LRRTM4: variants seen among roughly 807,000 people sequenced by gnomAD.
LRRTM4 encodes the protein leucine-rich repeat transmembrane neuronal protein 4.
Under a neutral mutation model 47.6 loss-of-function variants are expected in LRRTM4, and 25 were observed. The ratio of observed to expected loss-of-function variants is 0.53; its 90% CI spans 0.38 to 0.73. LRRTM4 has a LOEUF of 0.73. Among genes scored for constraint, LRRTM4 ranks in the 30% least tolerant of loss-of-function variants. The probability of loss-of-function intolerance (pLI) is 0.00; values close to 1 mark genes in which losing one functional copy is unlikely to be tolerated. For synonymous variants in LRRTM4, 311 were observed against 269.5 expected, an observed-to-expected ratio of 1.15 and a Z score of -1.51; for missense variants, 638 against 713.4, an observed-to-expected ratio of 0.89 and a Z score of 1.20.
intron 3 of LRRTM4, among the ~76,000 whole-genome samples, chr2:76,936,596 A>AAAAAAGAAAG (rs1483683453): frequency 1.5e-4 from 22 of 151,248 alleles, no homozygotes; most frequent in Non-Finnish European, 3.2e-4. Context: ...AAAAAAAAAA[A>AAAAAAGAAAG]AAAAAGAAAG....
chr2:77,347,659 A>T (rs1671617191), intron 3 of LRRTM4, among the ~76,000 whole-genome samples: 1 of 152,238 alleles, frequency 6.6e-6, no homozygotes, highest in East Asian at 1.9e-4. Context: ...ATAAAGTTTT[A>T]AAAATATACA....
chr2:77,240,229 A>G (rs1419763834), intron 3 of LRRTM4, among the ~76,000 whole-genome samples: 3 of 151,932 alleles, frequency 2.0e-5, no homozygotes, highest in African/African-American at 7.2e-5. Context: ...AATATTTGTA[A>G]TTGAATAAAT....
chr2:77,487,920 C>T (rs1677984020), intron 3 of LRRTM4, among the ~76,000 whole-genome samples: 1 of 152,160 alleles, frequency 6.6e-6, no homozygotes, highest in Admixed American at 6.5e-5. Context: ...TGCTGTTGCT[C>T]AATAAAGCAC....
intron 3 of LRRTM4, among the ~76,000 whole-genome samples, chr2:76,798,640 CA>C (rs922546079): frequency 2.0e-5 from 3 of 151,006 alleles, no homozygotes; most frequent in African/African-American, 7.3e-5. Context: ...AAAAACCCTT[CA>C]AAAAATTAAT....
chr2:77,259,597 T>C (rs1394446589), intron 3 of LRRTM4, among the ~76,000 whole-genome samples: 1 of 151,928 alleles, frequency 6.6e-6, no homozygotes, highest in East Asian at 1.9e-4. Context: ...GTTTGGGAAG[T>C]GTGGTGTTCA....
chr2:77,022,701 T>C (rs1047869394), intron 3 of LRRTM4, among the ~76,000 whole-genome samples: 2 of 152,174 alleles, frequency 1.3e-5, no homozygotes, highest in African/African-American at 2.4e-5. Flanking sequence ...GACTGCAGGT[T>C]TCATATCCAG....
At chr2:77,101,901 T>C (rs1185899758) in intron 3 of LRRTM4, among the ~76,000 whole-genome samples, 1 of 142,340 alleles carries the variant, frequency 7.0e-6, no homozygotes, top group Non-Finnish European at 1.5e-5. Flanking sequence ...AGCCTGTCTT[T>C]ACATTAGAAC....
At chr2:77,255,673 T>C (rs919913241) in intron 3 of LRRTM4, among the ~76,000 whole-genome samples, 1 of 151,972 alleles carries the variant, frequency 6.6e-6, no homozygotes, top group Middle Eastern at 3.2e-3. Flanking sequence ...ATAATCCATG[T>C]GTCGAATAGA....
chr2:77,327,789 A>C (rs921675040), intron 3 of LRRTM4, among the ~76,000 whole-genome samples: 6 of 152,148 alleles, frequency 3.9e-5, no homozygotes, highest in African/African-American at 1.4e-4. Context: ...TGTAGAAAGA[A>C]AAATGTAAGT....
intron 3 of LRRTM4, among the ~76,000 whole-genome samples, chr2:77,471,543 CCCTCTTGCAA>C (rs1237960329): frequency 6.6e-6 from 1 of 152,104 alleles, no homozygotes; most frequent in Non-Finnish European, 1.5e-5. Context: ...ACATGGTCTG[CCCTCTTGCAA>C]CCTCTCTGAT....
At chr2:76,757,375 T>G (rs572991882) in intron 3 of LRRTM4, among the ~76,000 whole-genome samples, 13 of 152,130 alleles carry the variant, frequency 8.5e-5, no homozygotes, top group Admixed American at 7.9e-4. Flanking sequence ...CCATCTTTAT[T>G]GCTCTCCTAC....
At chr2:76,997,690 G>C (rs1677250346) in intron 3 of LRRTM4, among the ~76,000 whole-genome samples, 1 of 152,076 alleles carries the variant, frequency 6.6e-6, no homozygotes, top group Admixed American at 6.6e-5. Flanking sequence ...TCTATGGCAG[G>C]GGTCCCCAAC....
chr2:76,968,848 G>C (rs1045498124), intron 3 of LRRTM4, among the ~76,000 whole-genome samples: 1 of 151,676 alleles, frequency 6.6e-6, no homozygotes, highest in Non-Finnish European at 1.5e-5. Context: ...TCATTGATTT[G>C]TGGCTTCCTT....
At chr2:76,884,168 A>G (rs1319856302) in intron 3 of LRRTM4, among the ~76,000 whole-genome samples, 1 of 152,146 alleles carries the variant, frequency 6.6e-6, no homozygotes, top group Non-Finnish European at 1.5e-5. Flanking sequence ...AACAAGCATC[A>G]TGCTAGACTT....
intron 3 of LRRTM4, among the ~76,000 whole-genome samples, chr2:77,174,010 T>G (rs1673125393): frequency 6.6e-6 from 1 of 152,146 alleles, no homozygotes; most frequent in Admixed American, 6.6e-5. Flanking sequence ...GGTTTTAGCC[T>G]TGGAGTATCT....
At chr2:77,491,184 C>A (rs1393266264) in intron 3 of LRRTM4, among the ~76,000 whole-genome samples, 2 of 151,836 alleles carry the variant, frequency 1.3e-5, no homozygotes, top group African/African-American at 4.8e-5. Context: ...CATTAAATAA[C>A]CTGTTGAAAA....
intron 3 of LRRTM4, among the ~76,000 whole-genome samples, chr2:77,180,465 T>C (rs534528786): frequency 5.3e-5 from 8 of 152,272 alleles, no homozygotes; most frequent in Admixed American, 2.0e-4. Flanking sequence ...CTAATTATTT[T>C]TGTGACCTGT....
intron 3 of LRRTM4, among the ~76,000 whole-genome samples, chr2:77,396,290 T>A (rs1322778443): frequency 6.6e-6 from 1 of 151,922 alleles, no homozygotes; most frequent in Non-Finnish European, 1.5e-5. Flanking sequence ...GAAAGTAATC[T>A]CCACCACCGC....
chr2:76,977,015 GTGTT>G (rs770987357), intron 3 of LRRTM4, among the ~76,000 whole-genome samples: 28 of 151,716 alleles, frequency 1.8e-4, no homozygotes, highest in Admixed American at 4.6e-4. Flanking sequence ...TAGGCTGTGT[GTGTT>G]TGTGTGTGTT....
Sources: gnomAD v4.1 joint callset for allele counts (sites outside exome capture counted in the v4.1 genomes callset) on GRCh38, gnomAD v4.1.1 for gene constraint, MANE v1.5 for transcripts, NCBI Gene and HGNC (gene_info 2026-07-23, HGNC 2026-07-21) for gene names.